The following PDE4D variants were observed in gnomAD, a reference collection of about 807,000 sequenced individuals.
PDE4D encodes the protein 3',5'-cyclic-AMP phosphodiesterase 4D.
PDE4D carries 24 observed loss-of-function variants against 87.4 expected under a neutral mutation model. That is an observed-to-expected ratio of 0.27 (90% CI 0.20 to 0.39). PDE4D has a LOEUF of 0.39. Among genes scored for constraint, PDE4D ranks in the 10% least tolerant of loss-of-function variants. The pLI is 1.00. For synonymous variants in PDE4D, 384 were observed against 383.2 expected, an observed-to-expected ratio of 1.00 and a Z score of -0.02; for missense variants, 714 against 1,041.0, an observed-to-expected ratio of 0.69 and a Z score of 4.32.
At chr5:59,598,794 T>A (rs923174281) in intron 1 of PDE4D, among the ~76,000 whole-genome samples, 1 of 152,082 alleles carries the variant, frequency 6.6e-6, no homozygotes, top group South Asian at 2.1e-4. Flanking sequence ...TAATACTAAT[T>A]TTCAGCCAGT....
intron 1 of PDE4D, chr5:60,459,879 C>T (rs1746787202): frequency 6.2e-6 from 4 of 648,476 alleles, no homozygotes; most frequent in South Asian, 3.8e-5. Flanking sequence ...TCTCTCCTTC[C>T]TCCCCTTCAT....
chr5:59,575,372 C>T (rs1049653395), intron 1 of PDE4D, among the ~76,000 whole-genome samples: 33 of 152,260 alleles, frequency 2.2e-4, no homozygotes, highest in South Asian at 1.0e-3. Flanking sequence ...AGACTTTTAT[C>T]TCACCAGCAA....
At chr5:60,096,224 A>T (rs1017943504) in intron 2 of PDE4D, among the ~76,000 whole-genome samples, 1 of 151,780 alleles carries the variant, frequency 6.6e-6, no homozygotes, top group Admixed American at 6.6e-5. Context: ...TTTATGACCA[A>T]TGGAAAAGAA....
At chr5:60,159,244 A>G (rs1334371407) in intron 2 of PDE4D, among the ~76,000 whole-genome samples, 1 of 152,188 alleles carries the variant, frequency 6.6e-6, no homozygotes. Context: ...GTCATCTTCT[A>G]TGATAGCAAT....
intron 1 of PDE4D, among the ~76,000 whole-genome samples, chr5:60,199,805 C>T (rs1048041044): frequency 6.6e-6 from 1 of 151,730 alleles, no homozygotes; most frequent in African/African-American, 2.4e-5. Flanking sequence ...CACAACATAT[C>T]ATACCATACC....
intron 1 of PDE4D, among the ~76,000 whole-genome samples, chr5:59,653,853 GA>G (rs1743921373): frequency 7.2e-6 from 1 of 138,514 alleles, no homozygotes; most frequent in South Asian, 2.5e-4. Context: ...GGAAAAGGGG[GA>G]AAGAAGAAGA....
chr5:59,884,028 C>T (rs1749821658), intron 1 of PDE4D, among the ~76,000 whole-genome samples: 1 of 151,838 alleles, frequency 6.6e-6, no homozygotes, highest in African/African-American at 2.4e-5. Context: ...ATGATTTTTG[C>T]TTATTATAAA....
At chr5:60,029,848 G>A (rs1014427057) in intron 2 of PDE4D, among the ~76,000 whole-genome samples, 1 of 152,106 alleles carries the variant, frequency 6.6e-6, no homozygotes, top group Non-Finnish European at 1.5e-5. Context: ...TGTGGTAAAT[G>A]GAGTGAGTTG....
chr5:59,029,416 CAAAAA>C (rs34120574), intron 6 of PDE4D, among the ~76,000 whole-genome samples: 59 of 87,026 alleles, frequency 6.8e-4, no homozygotes, highest in African/African-American at 2.8e-3. Flanking sequence ...GACTCCATCA[CAAAAA>C]AAAAAAAAAA....
chr5:59,845,821 G>A (rs1241219081), intron 1 of PDE4D, among the ~76,000 whole-genome samples: 1 of 151,924 alleles, frequency 6.6e-6, no homozygotes, highest in Non-Finnish European at 1.5e-5. Flanking sequence ...CCTATTTATG[G>A]TAATTTCTCA....
At chr5:59,269,769 A>T (rs1398973835) in intron 1 of PDE4D, among the ~76,000 whole-genome samples, 1 of 152,018 alleles carries the variant, frequency 6.6e-6, no homozygotes, top group East Asian at 1.9e-4. Flanking sequence ...CTATGTTTTT[A>T]AAAATTATAT....
chr5:60,294,472 T>C (rs2149780266), intron 1 of PDE4D, among the ~76,000 whole-genome samples: 1 of 152,320 alleles, frequency 6.6e-6, no homozygotes, highest in Middle Eastern at 3.4e-3. Flanking sequence ...GTTCTGTTCT[T>C]GAAGTATCAG....
At chr5:59,550,470 A>G (rs1024175919) in intron 1 of PDE4D, among the ~76,000 whole-genome samples, 6 of 152,180 alleles carry the variant, frequency 3.9e-5, no homozygotes, top group African/African-American at 1.4e-4. Context: ...TTTCATTGCT[A>G]ATGAATAAGA....
chr5:59,581,059 G>A (rs935372700), intron 1 of PDE4D, among the ~76,000 whole-genome samples: 30 of 152,066 alleles, frequency 2.0e-4, no homozygotes, highest in African/African-American at 2.9e-4. Flanking sequence ...AACTGGAAAC[G>A]TCACCTAATA....
At chr5:60,308,489 AC>A (rs1393945613) in intron 1 of PDE4D, among the ~76,000 whole-genome samples, 1 of 152,158 alleles carries the variant, frequency 6.6e-6, no homozygotes, top group African/African-American at 2.4e-5. Context: ...AATTTTAAAA[AC>A]CAATAATAAC....
At chr5:58,991,149 G>GT (rs1747818369) in intron 8 of PDE4D, among the ~76,000 whole-genome samples, 1 of 152,116 alleles carries the variant, frequency 6.6e-6, no homozygotes, top group Non-Finnish European at 1.5e-5. Context: ...AGGTGTGGTG[G>GT]TGTGTGCCTG....
At chr5:59,951,070 C>T (rs375306306) in intron 3 of PDE4D, among the ~76,000 whole-genome samples, 1 of 152,050 alleles carries the variant, frequency 6.6e-6, no homozygotes, top group Admixed American at 6.5e-5. Context: ...ATCCTCACAA[C>T]AAACCTGCGT....
chr5:59,925,240 T>G (rs1285189840), intron 3 of PDE4D, among the ~76,000 whole-genome samples: 1 of 150,404 alleles, frequency 6.6e-6, no homozygotes, highest in East Asian at 1.9e-4. Flanking sequence ...AGTGTAAAAT[T>G]ATTACTTTTC....
chr5:59,287,487 T>C (rs1767193052), intron 1 of PDE4D, among the ~76,000 whole-genome samples: 1 of 152,064 alleles, frequency 6.6e-6, no homozygotes, highest in African/African-American at 2.4e-5. Context: ...TAGGAGGAAC[T>C]AGTTGTCTTG....
Sources: allele counts gnomAD v4.1 joint callset (sites outside exome capture counted in the v4.1 genomes callset), GRCh38; gene constraint gnomAD v4.1.1; transcripts MANE v1.5; gene names NCBI Gene and HGNC (gene_info 2026-07-23, HGNC 2026-07-21).